Variants in PRIMA1 observed in about 807,000 individuals in gnomAD.
The protein encoded by PRIMA1 is proline-rich membrane anchor 1.
PRIMA1 carries 7 observed loss-of-function variants against 17.5 expected under a neutral mutation model. That is an observed-to-expected ratio of 0.40 (90% CI 0.23 to 0.75). The LOEUF (loss-of-function observed/expected upper bound fraction) is 0.75, where lower values mean the gene tolerates loss of function less well. Among genes scored for constraint, PRIMA1 ranks in the 30% least tolerant of loss-of-function variants. The pLI is 0.37. For synonymous variants in PRIMA1, 97 were observed against 77.9 expected, an observed-to-expected ratio of 1.25 and a Z score of -1.29; for missense variants, 200 against 201.8, an observed-to-expected ratio of 0.99 and a Z score of 0.05.
intron 3 of PRIMA1, among the ~76,000 whole-genome samples, chr14:93,754,025 G>A (rs1411912950): frequency 6.6e-6 from 1 of 152,174 alleles, no homozygotes; most frequent in African/African-American, 2.4e-5. Context: ...TTTGTTACTT[G>A]CCATCTGCTG....
chr14:93,769,177 G>A (rs1445227728), intron 3 of PRIMA1, among the ~76,000 whole-genome samples: 1 of 152,218 alleles, frequency 6.6e-6, no homozygotes, highest in Non-Finnish European at 1.5e-5. Context: ...TGAGGAAGCT[G>A]AGGCCAGTTT....
chr14:93,763,720 C>T (rs925272939), intron 3 of PRIMA1, among the ~76,000 whole-genome samples: 29 of 152,156 alleles, frequency 1.9e-4, no homozygotes, highest in African/African-American at 6.8e-4. Flanking sequence ...CCTTGGCTCA[C>T]AAGGTCCCAG....
rs758543526 is a variant in PRIMA1 at position 93,755,116 on chromosome 14, T to TG, written c.230-17747dup. On this transcript the variant is annotated intron_variant, in intron 3 of 4. Coordinates refer to ENST00000393140, the MANE Select transcript of PRIMA1 (RefSeq NM_178013.4). ...CTAGAAACATCCAGAAGCTGGTCAG[T>TG]GGGGGAAAAAAACCCGAGGCCTAAG... is the stretch of plus-strand genomic sequence containing the variant. Among the ~76,000 whole-genome samples the TG allele has an allele frequency of 1.1e-4, 16 of 152,152 alleles. 1 individual carries two copies. In the South Asian group the frequency reaches 1.7e-3, roughly 16 times the overall value.
chr14:93,761,510 T>C (rs988673013), intron 3 of PRIMA1, among the ~76,000 whole-genome samples: 2 of 152,196 alleles, frequency 1.3e-5, no homozygotes, highest in East Asian at 3.8e-4. Flanking sequence ...CAAACCCTGA[T>C]GGTTGTACCA....
At chr14:93,773,796 T>C (rs1885134554) in intron 3 of PRIMA1, among the ~76,000 whole-genome samples, 1 of 152,088 alleles carries the variant, frequency 6.6e-6, no homozygotes, top group African/African-American at 2.4e-5. Context: ...GTCAGGACTC[T>C]CAAAAGATTC....
intron 3 of PRIMA1, among the ~76,000 whole-genome samples, chr14:93,778,481 G>A (rs559574913): frequency 6.6e-6 from 1 of 152,190 alleles, no homozygotes; most frequent in African/African-American, 2.4e-5. Flanking sequence ...TGTTTAATGA[G>A]GTAGATACCG....
At chr14:93,775,973 C>T (rs1397557662) in intron 3 of PRIMA1, among the ~76,000 whole-genome samples, 1 of 152,204 alleles carries the variant, frequency 6.6e-6, no homozygotes, top group East Asian at 1.9e-4. Flanking sequence ...GGGCACATGA[C>T]CCAAGCTAGT....
intron 3 of PRIMA1, among the ~76,000 whole-genome samples, chr14:93,757,350 C>G (rs972104096): frequency 1.3e-5 from 2 of 152,244 alleles, no homozygotes; most frequent in Non-Finnish European, 2.9e-5. Context: ...CCGTTCCCTT[C>G]GGAGGGATGG....
chr14:93,725,268 G>A (rs951245928), intron 4 of PRIMA1, among the ~76,000 whole-genome samples: 1 of 152,160 alleles, frequency 6.6e-6, no homozygotes, highest in East Asian at 1.9e-4. Flanking sequence ...GAGCCCGCGC[G>A]TGGTGATGGG....
At chr14:93,751,128 G>A (rs944708934) in intron 3 of PRIMA1, among the ~76,000 whole-genome samples, 7 of 152,204 alleles carry the variant, frequency 4.6e-5, no homozygotes, top group Non-Finnish European at 8.8e-5. Flanking sequence ...GCAGAAAAGC[G>A]TCACCTGAAG....
intron 4 of PRIMA1, among the ~76,000 whole-genome samples, chr14:93,722,692 A>T (rs2076048447): frequency 6.9e-5 from 10 of 145,412 alleles, no homozygotes; most frequent in South Asian, 4.4e-4. Flanking sequence ...GATGATGGTA[A>T]TGATGATGAT....
chr14:93,779,659 G>A (rs879877026), intron 2 of PRIMA1, among the ~76,000 whole-genome samples: 10 of 152,186 alleles, frequency 6.6e-5, no homozygotes, highest in Non-Finnish European at 1.3e-4. Flanking sequence ...AGCTGCCCAA[G>A]GGTCTCACAT....
intron 4 of PRIMA1, chr14:93,725,689 C>T: frequency 3.1e-6 from 1 of 323,312 alleles, no homozygotes; most frequent in Non-Finnish European, 6.2e-6. Flanking sequence ...TAGTCCATGT[C>T]AAGCACTTAG....
At chr14:93,775,985 C>T (rs570278147) in intron 3 of PRIMA1, among the ~76,000 whole-genome samples, 2 of 152,318 alleles carry the variant, frequency 1.3e-5, no homozygotes, top group African/African-American at 2.4e-5. Flanking sequence ...CAAGCTAGTC[C>T]AGCAAAAGTC....
At chr14:93,744,317 CTCCCACA>C in intron 3 of PRIMA1, among the ~76,000 whole-genome samples, 1 of 152,330 alleles carries the variant, frequency 6.6e-6, no homozygotes, top group East Asian at 1.9e-4. Context: ...GCGGTGCCTG[CTCCCACA>C]CCGGGTCCCA....
chr14:93,728,427 T>C (rs2076093305), intron 4 of PRIMA1, among the ~76,000 whole-genome samples: 1 of 152,010 alleles, frequency 6.6e-6, no homozygotes, highest in South Asian at 2.1e-4. Context: ...AGAGCTGGGA[T>C]GGAGGCCTGT....
chr14:93,757,770 T>TA (rs1421676018), intron 3 of PRIMA1, among the ~76,000 whole-genome samples: 2 of 152,300 alleles, frequency 1.3e-5, no homozygotes, highest in African/African-American at 4.8e-5. Context: ...GGAAATATTT[T>TA]AAAATCTCAA....
At chr14:93,729,374 A>T (rs1158867861) in intron 4 of PRIMA1, among the ~76,000 whole-genome samples, 1 of 152,190 alleles carries the variant, frequency 6.6e-6, no homozygotes, top group Non-Finnish European at 1.5e-5. Flanking sequence ...ACAGGTACGC[A>T]TGTGAACAGC....
intron 3 of PRIMA1, among the ~76,000 whole-genome samples, chr14:93,774,128 A>G (rs534206002): frequency 1.3e-4 from 20 of 152,314 alleles, no homozygotes; most frequent in Admixed American, 1.2e-3. Flanking sequence ...AAATTAGAAC[A>G]AAACAAACAC....
Sources: gnomAD v4.1 joint callset for allele counts (sites outside exome capture counted in the v4.1 genomes callset) on GRCh38, gnomAD v4.1.1 for gene constraint, MANE v1.5 for transcripts, NCBI Gene and HGNC (gene_info 2026-07-23, HGNC 2026-07-21) for gene names.